PSD3: variants seen among roughly 807,000 people sequenced by gnomAD.
PSD3 encodes PH and SEC7 domain-containing protein 3.
Under a neutral mutation model 105.5 loss-of-function variants are expected in PSD3, and 49 were observed. That is an observed-to-expected ratio of 0.46 (90% CI 0.37 to 0.59). The LOEUF (loss-of-function observed/expected upper bound fraction) is 0.59. Among genes scored for constraint, PSD3 ranks in the 20% least tolerant of loss-of-function variants. The pLI, the probability that PSD3 is intolerant of heterozygous loss-of-function variation, is 0.00. For synonymous variants in PSD3, 557 were observed against 457.8 expected (o/e 1.22, Z -2.77); for missense variants, 1,561 against 1,263.8 (o/e 1.24, Z -3.57).
intron 2 of PSD3, among the ~76,000 whole-genome samples, chr8:18,927,372 C>A (rs551348262): frequency 2.0e-5 from 3 of 152,220 alleles, no homozygotes; most frequent in African/African-American, 4.8e-5. Flanking sequence ...CGCCACCATG[C>A]CTGGCTAATT....
chr8:18,877,305 A>T (rs1265875085), intron 2 of PSD3, among the ~76,000 whole-genome samples: 1 of 152,166 alleles, frequency 6.6e-6, no homozygotes, highest in African/African-American at 2.4e-5. Context: ...TTGCTATTAC[A>T]TTTAGCTCTC....
intron 9 of PSD3, among the ~76,000 whole-genome samples, chr8:18,735,465 C>A (rs1804084797): frequency 6.6e-6 from 1 of 152,078 alleles, no homozygotes. Context: ...ATAAGATTCC[C>A]AGGGGATAGG....
chr8:18,694,147 C>A (rs1006741346), intron 9 of PSD3, among the ~76,000 whole-genome samples: 1 of 152,202 alleles, frequency 6.6e-6, no homozygotes, highest in East Asian at 1.9e-4. Context: ...AAGCCTGAGG[C>A]ACCACACAGT....
At chr8:18,766,891 G>A (rs1030836232) in intron 8 of PSD3, among the ~76,000 whole-genome samples, 1 of 152,178 alleles carries the variant, frequency 6.6e-6, no homozygotes, top group Non-Finnish European at 1.5e-5. Flanking sequence ...TTCAGGAGCT[G>A]GAATCTTTAA....
At chr8:18,678,538 G>A (rs145438345) in intron 9 of PSD3, among the ~76,000 whole-genome samples, 18 of 152,354 alleles carry the variant, frequency 1.2e-4, no homozygotes, top group African/African-American at 3.8e-4. Flanking sequence ...CCAGCTGGGC[G>A]TGGTGGCTCA....
intron 9 of PSD3, among the ~76,000 whole-genome samples, chr8:18,750,232 G>C (rs1376105175): frequency 2.0e-5 from 3 of 152,206 alleles, no homozygotes; most frequent in African/African-American, 7.2e-5. Flanking sequence ...TGAAGCCGCG[G>C]ACCCTCGCGG....
Position 18,629,188 on chromosome 8 carries a change from CA to C in PSD3, c.2410+3424del, listed in dbSNP as rs201650196. ...TAGACTCCAAAATAAGGAATATAAC[CA>C]GGGGTGTCGGACGTCATTTCATGAC... On this transcript the variant is annotated intron_variant, in intron 11 of 15. Transcript: ENST00000327040. Among the ~76,000 whole-genome samples, 1,396 of 151,924 alleles carry C rather than the reference CA, an allele frequency of 9.2e-3. 10 individuals are homozygous for C. Among genetic ancestry groups the C allele is most frequent in the East Asian group, 0.019 (97 of 5,172 alleles).
intron 15 of PSD3, among the ~76,000 whole-genome samples, chr8:18,536,641 C>T (rs2129915772): frequency 6.6e-6 from 1 of 152,312 alleles, no homozygotes; most frequent in East Asian, 1.9e-4. Flanking sequence ...TCCAAATCAA[C>T]AATATTCATT....
intron 15 of PSD3, among the ~76,000 whole-genome samples, chr8:18,553,407 T>G (rs750494918): frequency 5.3e-5 from 8 of 152,200 alleles, no homozygotes; most frequent in Admixed American, 1.3e-4. Context: ...CATGGGAGCT[T>G]CTGGTCCTGT....
At chr8:18,812,787 C>A (rs1031778879) in intron 4 of PSD3, among the ~76,000 whole-genome samples, 3 of 152,182 alleles carry the variant, frequency 2.0e-5, no homozygotes, top group Non-Finnish European at 4.4e-5. Flanking sequence ...CCAGGGTGCA[C>A]TGCAGGGAAT....
intron 1 of PSD3, among the ~76,000 whole-genome samples, chr8:18,976,249 C>T (rs949868090): frequency 2.0e-5 from 3 of 151,880 alleles, no homozygotes; most frequent in African/African-American, 7.3e-5. Context: ...CCAATAAAAC[C>T]ACGAAGACAG....
At chr8:18,658,834 A>G (rs1809096092) in intron 9 of PSD3, among the ~76,000 whole-genome samples, 1 of 152,174 alleles carries the variant, frequency 6.6e-6, no homozygotes, top group Non-Finnish European at 1.5e-5. Flanking sequence ...TAGTAGCCTC[A>G]GGGATCCAGG....
At chr8:18,801,243 G>C (rs755473406) in intron 7 of PSD3, 27 bp downstream of exon 7, 77 of 1,383,522 alleles carry the variant, frequency 5.6e-5, no homozygotes, top group Middle Eastern at 2.2e-4. Context: ...ATATAAAAAA[G>C]AAATTCAAGG....
chr8:18,699,383 C>A (rs59256761), intron 9 of PSD3, among the ~76,000 whole-genome samples: 8,281 of 152,266 alleles, frequency 0.054, 531 homozygotes, highest in African/African-American at 0.15. Flanking sequence ...TGTGTTGGAG[C>A]CAGTCAACAA....
In PSD3 at chr8:18,777,574, C is replaced by T. The variant is rs145802710; in HGVS notation, c.2083-12036G>A. Among the ~76,000 whole-genome samples the T allele has an allele frequency of 3.8e-3, 572 of 152,190 alleles. 6 individuals are homozygous for T. Among genetic ancestry groups the T allele is most frequent in the African/African-American group, 0.013 (552 of 41,516 alleles). ...AATAACTATACATATTTATGGGGTA[C>T]ATGTGATATTTTGAAATATGCATGT... On this transcript the variant is annotated intron_variant, in intron 8 of 15. Coordinates refer to ENST00000327040, the MANE Select transcript of PSD3 (RefSeq NM_015310.4).
At chr8:18,713,647 A>C (rs1802393119) in intron 9 of PSD3, among the ~76,000 whole-genome samples, 1 of 152,234 alleles carries the variant, frequency 6.6e-6, no homozygotes, top group East Asian at 1.9e-4. Context: ...AAACAAATGA[A>C]AAAACGTTCT....
intron 1 of PSD3, among the ~76,000 whole-genome samples, chr8:18,988,611 T>C (rs1450174489): frequency 6.6e-6 from 1 of 151,490 alleles, no homozygotes. Context: ...CAACCCCCAA[T>C]GCCAAGCTCC....
At chr8:18,608,608 A>C (rs1264724142) in intron 11 of PSD3, among the ~76,000 whole-genome samples, 1 of 152,242 alleles carries the variant, frequency 6.6e-6, no homozygotes, top group Non-Finnish European at 1.5e-5. Context: ...TACAGTGAAT[A>C]ATATTTTGGC....
chr8:18,641,610 T>G (rs1291831956), intron 10 of PSD3, among the ~76,000 whole-genome samples: 1 of 152,164 alleles, frequency 6.6e-6, no homozygotes. Context: ...TACACAAGTG[T>G]GCAAAGTTAC....
Sources: gnomAD v4.1 joint callset for allele counts (sites outside exome capture counted in the v4.1 genomes callset) on GRCh38, gnomAD v4.1.1 for gene constraint, MANE v1.5 for transcripts, NCBI Gene and HGNC (gene_info 2026-07-23, HGNC 2026-07-21) for gene names.